The following NAV2 variants were observed in gnomAD, a reference collection of about 807,000 sequenced individuals.
NAV2 encodes neuron navigator 2, also known as helicase, APC down-regulated 1.
A neutral mutation model predicts 223.2 loss-of-function variants in NAV2; 54 were observed. That is an observed-to-expected ratio of 0.24 (90% CI 0.19 to 0.30). The LOEUF (loss-of-function observed/expected upper bound fraction) is 0.30. Among genes scored for constraint, NAV2 ranks in the 10% least tolerant of loss-of-function variants. NAV2 has a pLI of 1.00. For missense variants in NAV2, 2,806 were observed against 3,147.5 expected (o/e 0.89, Z 2.60); for synonymous variants, 1,279 against 1,239.3 (o/e 1.03, Z -0.67).
intron 1 of NAV2, among the ~76,000 whole-genome samples, chr11:19,469,792 C>T (rs2041905288): frequency 6.6e-6 from 1 of 152,240 alleles, no homozygotes. Context: ...GGACTCCTTT[C>T]AGTTATTGTG....
chr11:20,045,055 G>A lies in NAV2; in HGVS notation c.3287G>A (p.Arg1096Gln), dbSNP rs146962426. Residue 1096 changes from arginine to glutamine, a missense_variant, in exon 14 of 38, where the codon CGG becomes CAG. Around this residue, in one of 4 missense-constraint regions of NAV2, gnomAD observed 742 missense variants for 777.9 expected, o/e 0.95. Coordinates refer to ENST00000349880, the MANE Select transcript of NAV2 (RefSeq NM_145117.5). Reference sequence around the variant, plus strand: ...AAGCGCTCCCCATCAGATGCAGGCCGGAGCAGTGGTGACGAATCCAAAAAG... The same window carrying A: ...AAGCGCTCCCCATCAGATGCAGGCCAGAGCAGTGGTGACGAATCCAAAAAG... Reference protein sequence around the residue: ...QVKRSPSDAGRSSGDESKKPL... With the variant: ...QVKRSPSDAGQSSGDESKKPL... 16 of 1,613,976 alleles carry A rather than the reference G, an allele frequency of 9.9e-6. No individual in the cohort carries two copies. The highest frequency in any genetic ancestry group is 1.6e-4 in the Middle Eastern group (1 of 6,084).
chr11:19,674,703 C>T (rs926140805), intron 1 of NAV2, among the ~76,000 whole-genome samples: 1 of 152,206 alleles, frequency 6.6e-6, no homozygotes, highest in African/African-American at 2.4e-5. Context: ...CTGCCTGGAA[C>T]ATAAGGTTTT....
At chr11:19,742,803 C>T (rs1468522752) in intron 1 of NAV2, among the ~76,000 whole-genome samples, 5 of 152,242 alleles carry the variant, frequency 3.3e-5, no homozygotes, top group African/African-American at 2.4e-5. Flanking sequence ...CTCTGCACTG[C>T]TGTACCTGGA....
intron 1 of NAV2, among the ~76,000 whole-genome samples, chr11:19,608,740 A>G (rs1044958279): frequency 2.6e-5 from 4 of 152,248 alleles, no homozygotes; most frequent in African/African-American, 9.6e-5. Context: ...CCCTGTTGCT[A>G]CTGTAACAAA....
At chr11:19,471,873 A>G (rs55767525) in intron 1 of NAV2, among the ~76,000 whole-genome samples, 4,508 of 152,240 alleles carry the variant, frequency 0.03, 124 homozygotes, top group Non-Finnish European at 0.048. Flanking sequence ...ATTCCCACAG[A>G]TGCTGCTCTC....
intron 22 of NAV2, 130 bp downstream of exon 22, chr11:20,068,528 A>C: frequency 1.4e-6 from 1 of 712,032 alleles, no homozygotes. Flanking sequence ...AGGCTTTGGC[A>C]TCATGGGTGT....
At chr11:19,657,363 C>T (rs1001301768) in intron 1 of NAV2, among the ~76,000 whole-genome samples, 3 of 152,154 alleles carry the variant, frequency 2.0e-5, no homozygotes, top group Non-Finnish European at 2.9e-5. Context: ...TTATTTTATA[C>T]ATTTAATATA....
chr11:19,763,185 T>C (rs1370222168), intron 1 of NAV2, among the ~76,000 whole-genome samples: 2 of 152,212 alleles, frequency 1.3e-5, no homozygotes, highest in Non-Finnish European at 2.9e-5. Flanking sequence ...ACAAAGATCT[T>C]GGATCTTAAA....
chr11:19,454,983 C>G (rs1041770695), intron 1 of NAV2, among the ~76,000 whole-genome samples: 1 of 152,160 alleles, frequency 6.6e-6, no homozygotes, highest in African/African-American at 2.4e-5. Flanking sequence ...GTTAGAAATG[C>G]AAATTCTCAG....
At chr11:20,063,614 A>G (rs1259610989) in intron 20 of NAV2, among the ~76,000 whole-genome samples, 1 of 152,048 alleles carries the variant, frequency 6.6e-6, no homozygotes, top group Non-Finnish European at 1.5e-5. Context: ...ACCTCAAGTG[A>G]TCCGCCCATC....
intron 1 of NAV2, among the ~76,000 whole-genome samples, chr11:19,467,066 G>A (rs1290008540): frequency 2.0e-5 from 3 of 149,696 alleles, no homozygotes; most frequent in African/African-American, 4.9e-5. Context: ...GAGAGAGATG[G>A]ATATCTATCT....
chr11:19,588,409 C>T (rs1057214838), intron 1 of NAV2, among the ~76,000 whole-genome samples: 1 of 152,152 alleles, frequency 6.6e-6, no homozygotes, highest in Non-Finnish European at 1.5e-5. Context: ...GCAAAAATGA[C>T]CCAGCTTGTG....
rs532459660 is a variant in NAV2 at position 19,759,183 on chromosome 11, C to T, written c.267+45221C>T. On this transcript the variant is annotated intron_variant, in intron 1 of 37. Transcript: ENST00000349880. ...CTGCAAGCTCCGCCTCCCGGGTCCA[C>T]GCCATTCTCCTGTCTCAGCCTCCCC... 8.3e-4 allele frequency among the ~76,000 whole-genome samples: 124 copies of T among 150,286 alleles called. 1 individual carries two copies. The highest frequency in any genetic ancestry group is 4.0e-4 in the Non-Finnish European group (27 of 67,756).
intron 1 of NAV2, among the ~76,000 whole-genome samples, chr11:19,488,235 T>C (rs2042510321): frequency 6.6e-6 from 1 of 152,192 alleles, no homozygotes; most frequent in Non-Finnish European, 1.5e-5. Flanking sequence ...GTAATTTTGC[T>C]TTTTGTATCC....
intron 1 of NAV2, among the ~76,000 whole-genome samples, chr11:19,670,334 T>A (rs995236502): frequency 2.6e-5 from 4 of 152,154 alleles, no homozygotes; most frequent in Non-Finnish European, 4.4e-5. Context: ...CCTTGTTGGA[T>A]TTCCTAGGAA....
At chr11:19,568,675 C>T (rs900497334) in intron 1 of NAV2, among the ~76,000 whole-genome samples, 3 of 152,120 alleles carry the variant, frequency 2.0e-5, no homozygotes, top group Admixed American at 1.3e-4. Context: ...TTTAGTCCCC[C>T]ATTGAAGGAA....
intron 1 of NAV2, among the ~76,000 whole-genome samples, chr11:19,649,945 T>C (rs1214319871): frequency 6.6e-6 from 1 of 152,196 alleles, no homozygotes; most frequent in Non-Finnish European, 1.5e-5. Context: ...TAGCAAGTAT[T>C]GGCAACGACA....
chr11:19,595,491 A>G (rs1334686310), intron 1 of NAV2, among the ~76,000 whole-genome samples: 3 of 152,224 alleles, frequency 2.0e-5, no homozygotes, highest in African/African-American at 4.8e-5. Flanking sequence ...AAACTGAGAC[A>G]CAGAGGGGTT....
intron 1 of NAV2, among the ~76,000 whole-genome samples, chr11:19,609,847 A>C (rs976690144): frequency 2.0e-5 from 3 of 152,252 alleles, no homozygotes; most frequent in African/African-American, 7.2e-5. Context: ...TATTGGCTCT[A>C]GTGCCAAGAC....
Sources: allele counts gnomAD v4.1 joint callset (sites outside exome capture counted in the v4.1 genomes callset), GRCh38; gene constraint gnomAD v4.1.1; regional missense constraint gnomAD v4.1.1; transcripts MANE v1.5; gene names NCBI Gene and HGNC (gene_info 2026-07-23, HGNC 2026-07-21).